Variants in ZEB1 observed in about 807,000 individuals in gnomAD.
The protein encoded by ZEB1 is zinc finger E-box binding homeobox 1.
A neutral mutation model predicts 84.9 loss-of-function variants in ZEB1; 21 were observed. The ratio of observed to expected loss-of-function variants is 0.25; its 90% CI spans 0.18 to 0.36. ZEB1 has a LOEUF of 0.36. Among genes scored for constraint, ZEB1 ranks in the 10% least tolerant of loss-of-function variants. The probability of loss-of-function intolerance (pLI) is 1.00; values close to 1 mark genes in which losing one functional copy is unlikely to be tolerated. For synonymous variants in ZEB1, 420 were observed against 471.1 expected (o/e 0.89, Z 1.41); for missense variants, 1,104 against 1,330.2 (o/e 0.83, Z 2.65).
intron 2 of ZEB1, among the ~76,000 whole-genome samples, chr10:31,469,396 T>C (rs2062874651): frequency 6.6e-6 from 1 of 152,126 alleles, no homozygotes; most frequent in Non-Finnish European, 1.5e-5. Context: ...ATTGCCTCAC[T>C]CGGGAAGCGC....
chr10:31,478,746 T>C (rs2064630541), intron 2 of ZEB1, among the ~76,000 whole-genome samples: 3 of 151,852 alleles, frequency 2.0e-5, no homozygotes, highest in Admixed American at 6.6e-5. Context: ...CTAAGTGAAA[T>C]AACTCAGTAA....
chr10:31,321,288 A>G, intron 1 of ZEB1: 1 of 1,367,568 alleles, frequency 7.3e-7, no homozygotes, highest in Non-Finnish European at 9.5e-7. Context: ...TATTTTTAAT[A>G]TATTCGAGCC....
chr10:31,474,801 G>A (rs1168599358), intron 2 of ZEB1, among the ~76,000 whole-genome samples: 29 of 151,972 alleles, frequency 1.9e-4, no homozygotes. Flanking sequence ...GCAAAGACTT[G>A]GAACCAACCC....
At chr10:31,463,426 G>C (rs947924033) in intron 2 of ZEB1, among the ~76,000 whole-genome samples, 2 of 152,150 alleles carry the variant, frequency 1.3e-5, no homozygotes, top group Admixed American at 6.5e-5. Flanking sequence ...GAAGTAAACA[G>C]AGCAGATCAT....
chr10:31,507,737 C>T (rs961771350), intron 4 of ZEB1, among the ~76,000 whole-genome samples: 5 of 151,834 alleles, frequency 3.3e-5, no homozygotes, highest in African/African-American at 1.2e-4. Flanking sequence ...ATTTGTTTTT[C>T]TGGTTCCTTT....
intron 1 of ZEB1, among the ~76,000 whole-genome samples, chr10:31,385,502 CTTTTTTCTTTTCT>C (rs1473099545): frequency 7.3e-5 from 11 of 150,836 alleles, no homozygotes; most frequent in Non-Finnish European, 1.3e-4. Flanking sequence ...ATTTTGTTTT[CTTTTTTCTTTTCT>C]TTTTTTCTTT....
intron 2 of ZEB1, among the ~76,000 whole-genome samples, chr10:31,469,991 C>T (rs1220703436): frequency 6.6e-6 from 1 of 152,130 alleles, no homozygotes; most frequent in East Asian, 1.9e-4. Context: ...AACAGACCTA[C>T]AGCTGAGGGT....
intron 1 of ZEB1, among the ~76,000 whole-genome samples, chr10:31,456,944 C>T (rs1259123320): frequency 1.3e-5 from 2 of 152,130 alleles, no homozygotes; most frequent in Admixed American, 6.6e-5. Flanking sequence ...ACAACTACCA[C>T]CATCAAGAAG....
intron 1 of ZEB1, among the ~76,000 whole-genome samples, chr10:31,386,774 A>G (rs2048709040): frequency 6.6e-6 from 1 of 152,158 alleles, no homozygotes; most frequent in Non-Finnish European, 1.5e-5. Context: ...GCTGGCTCTA[A>G]CCCATTGCTT....
At chr10:31,523,387 A>G (rs898419050) in intron 7 of ZEB1, among the ~76,000 whole-genome samples, 1 of 152,156 alleles carries the variant, frequency 6.6e-6, no homozygotes, top group African/African-American at 2.4e-5. Flanking sequence ...GGTAGAGCAC[A>G]CCTCTCTCTT....
rs377136289 is a variant in ZEB1 at position 31,458,067 on chromosome 10, T to C, written c.59-2970T>C. ...AGCAGGAATGTCAGCTATCTAGGCA[T>C]GCAGTTTCACTGGTCAAGCATATTT... On this transcript the variant is annotated intron_variant, in intron 1 of 8. Coordinates refer to ENST00000424869, the MANE Select transcript of ZEB1 (RefSeq NM_001174096.2). Among the ~76,000 whole-genome samples, 7 of 152,224 alleles carry C rather than the reference T, an allele frequency of 4.6e-5. No homozygotes were observed. The East Asian group carries it at 1.2e-3, about 25-fold the overall frequency.
At chr10:31,371,485 G>A (rs2045691626) in intron 1 of ZEB1, among the ~76,000 whole-genome samples, 1 of 152,086 alleles carries the variant, frequency 6.6e-6, no homozygotes, top group Non-Finnish European at 1.5e-5. Context: ...GGCTAAATAA[G>A]AAAAACGTCG....
At chr10:31,488,940 C>T (rs1269541126) in intron 2 of ZEB1, among the ~76,000 whole-genome samples, 5 of 151,046 alleles carry the variant, frequency 3.3e-5, no homozygotes, top group Non-Finnish European at 7.4e-5. Context: ...ATGTGAATTT[C>T]GTCATTGGGG....
chr10:31,371,043 T>A (rs1463915020), intron 1 of ZEB1, among the ~76,000 whole-genome samples: 1 of 152,130 alleles, frequency 6.6e-6, no homozygotes, highest in African/African-American at 2.4e-5. Context: ...TTATAATGGA[T>A]GAGTAGAATA....
intron 1 of ZEB1, among the ~76,000 whole-genome samples, chr10:31,329,891 AT>A (rs2036400032): frequency 6.6e-6 from 1 of 151,866 alleles, no homozygotes; most frequent in Non-Finnish European, 1.5e-5. Context: ...TTTTAATTGG[AT>A]TGTTTGTCTT....
At chr10:31,496,838 T>A (rs565518333) in intron 3 of ZEB1, among the ~76,000 whole-genome samples, 126 of 152,216 alleles carry the variant, frequency 8.3e-4, no homozygotes, top group South Asian at 2.1e-3. Context: ...GGTTCATGGC[T>A]AATAAGTGTC....
chr10:31,334,588 A>C (rs2037600952), intron 1 of ZEB1, among the ~76,000 whole-genome samples: 1 of 152,134 alleles, frequency 6.6e-6, no homozygotes, highest in Admixed American at 6.5e-5. Context: ...ATAATTAATG[A>C]ACTAGAGAAA....
At chr10:31,426,077 T>G (rs1297553597) in intron 1 of ZEB1, among the ~76,000 whole-genome samples, 2 of 152,232 alleles carry the variant, frequency 1.3e-5, no homozygotes, top group African/African-American at 4.8e-5. Context: ...AATAGTTTGC[T>G]TAGCTTTACT....
At chr10:31,526,353 C>T (rs116755357) in intron 8 of ZEB1, among the ~76,000 whole-genome samples, 124 of 152,296 alleles carry the variant, frequency 8.1e-4, no homozygotes, top group African/African-American at 2.8e-3. Context: ...TGCTCGTTCA[C>T]TACCAGACAT....
Sources: allele counts gnomAD v4.1 joint callset (sites outside exome capture counted in the v4.1 genomes callset), GRCh38; gene constraint gnomAD v4.1.1; transcripts MANE v1.5; gene names NCBI Gene and HGNC (gene_info 2026-07-23, HGNC 2026-07-21).